Variants in ERC2 observed in about 807,000 individuals in gnomAD.
ERC2 encodes the protein ELKS/RAB6-interacting/CAST family member 2.
Under a neutral mutation model 114.8 loss-of-function variants are expected in ERC2, and 42 were observed. The ratio of observed to expected loss-of-function variants is 0.37; its 90% CI spans 0.29 to 0.47. ERC2 has a LOEUF of 0.47. ERC2 is among the 20% of genes least tolerant of loss of function. The probability of loss-of-function intolerance (pLI) is 0.99; values close to 1 mark genes in which losing one functional copy is unlikely to be tolerated. For missense variants in ERC2, 939 were observed against 1,150.7 expected (o/e 0.82, Z 2.66); for synonymous variants, 454 against 425.5 (o/e 1.07, Z -0.82).
At chr3:55,718,667 T>C (rs767624396) in intron 15 of ERC2, among the ~76,000 whole-genome samples, 4 of 152,184 alleles carry the variant, frequency 2.6e-5, no homozygotes, top group Non-Finnish European at 4.4e-5. Flanking sequence ...AGAAGGATGC[T>C]CTGCCTGCCC....
intron 12 of ERC2, among the ~76,000 whole-genome samples, chr3:55,952,756 T>C (rs2067668327): frequency 6.6e-6 from 1 of 152,132 alleles, no homozygotes; most frequent in Admixed American, 6.5e-5. Context: ...CAAACATCAT[T>C]TGCACAGTGA....
chr3:56,008,834 C>T (rs1004505525), intron 9 of ERC2, among the ~76,000 whole-genome samples: 1 of 152,184 alleles, frequency 6.6e-6, no homozygotes, highest in African/African-American at 2.4e-5. Flanking sequence ...CTATTGATTG[C>T]AACATCAGCT....
intron 3 of ERC2, among the ~76,000 whole-genome samples, chr3:56,175,741 G>C (rs1199789793): frequency 6.6e-6 from 1 of 152,026 alleles, no homozygotes; most frequent in Non-Finnish European, 1.5e-5. Context: ...CCCATTGTAT[G>C]GTATTTTCTA....
chr3:55,629,558 C>T (rs2059660755), intron 17 of ERC2, among the ~76,000 whole-genome samples: 1 of 152,166 alleles, frequency 6.6e-6, no homozygotes, highest in Admixed American at 6.5e-5. Context: ...ATCCTAAACA[C>T]CTACATTGCA....
intron 2 of ERC2, among the ~76,000 whole-genome samples, chr3:56,339,869 GC>G (rs1406072087): frequency 6.6e-6 from 1 of 152,090 alleles, no homozygotes; most frequent in Non-Finnish European, 1.5e-5. Context: ...CCACTACCAG[GC>G]CTTGGACCCA....
At chr3:56,105,887 A>T (rs2078630180) in intron 6 of ERC2, among the ~76,000 whole-genome samples, 1 of 152,176 alleles carries the variant, frequency 6.6e-6, no homozygotes, top group East Asian at 1.9e-4. Context: ...TCTCATGAAG[A>T]AATCAGGGTC....
At chr3:55,595,309 C>CT (rs1313852784) in intron 17 of ERC2, among the ~76,000 whole-genome samples, 1 of 152,172 alleles carries the variant, frequency 6.6e-6, no homozygotes, top group Non-Finnish European at 1.5e-5. Context: ...GACACTGAAA[C>CT]TAAATAGTGG....
intron 6 of ERC2, among the ~76,000 whole-genome samples, chr3:56,117,503 C>T (rs1181468111): frequency 2.6e-5 from 4 of 152,182 alleles, no homozygotes; most frequent in Non-Finnish European, 4.4e-5. Flanking sequence ...ATGAGTAGAG[C>T]GCTTGGCCCC....
At chr3:56,067,801 G>A (rs1346330642) in intron 7 of ERC2, among the ~76,000 whole-genome samples, 1 of 152,118 alleles carries the variant, frequency 6.6e-6, no homozygotes, top group Non-Finnish European at 1.5e-5. Flanking sequence ...AGATAATCAC[G>A]TGGTTTTTGT....
intron 15 of ERC2, among the ~76,000 whole-genome samples, chr3:55,709,888 C>T (rs1383752207): frequency 2.0e-5 from 3 of 152,118 alleles, no homozygotes; most frequent in African/African-American, 7.2e-5. Context: ...GGCAGCCAGG[C>T]CCTTGGAGGG....
intron 6 of ERC2, among the ~76,000 whole-genome samples, chr3:56,085,045 G>C (rs1274918468): frequency 2.6e-5 from 4 of 152,042 alleles, no homozygotes; most frequent in African/African-American, 9.7e-5. Flanking sequence ...TTCAGCCTCA[G>C]TTTCTCCATC....
intron 7 of ERC2, among the ~76,000 whole-genome samples, chr3:56,071,934 G>A (rs566353985): frequency 6.6e-6 from 1 of 152,162 alleles, no homozygotes; most frequent in Admixed American, 6.5e-5. Context: ...CGATCAATTG[G>A]TTAAAGTCAC....
At chr3:55,968,995 A>C (rs538843953) in intron 12 of ERC2, among the ~76,000 whole-genome samples, 10 of 152,264 alleles carry the variant, frequency 6.6e-5, no homozygotes, top group African/African-American at 2.4e-4. Flanking sequence ...GGGTGAGATA[A>C]ATCCTTGCTT....
intron 14 of ERC2, among the ~76,000 whole-genome samples, chr3:55,808,174 G>A (rs1040478266): frequency 4.6e-5 from 7 of 152,176 alleles, no homozygotes; most frequent in Non-Finnish European, 1.0e-4. Context: ...CAAATGAGAT[G>A]AAAGAGCAGA....
intron 17 of ERC2, among the ~76,000 whole-genome samples, chr3:55,564,723 G>C (rs1365184007): frequency 6.6e-6 from 1 of 152,208 alleles, no homozygotes; most frequent in East Asian, 1.9e-4. Context: ...TTTCTAAGAA[G>C]TGTCCACAGA....
At chr3:56,464,595 G>C (rs1203146385) in intron 1 of ERC2, among the ~76,000 whole-genome samples, 1 of 152,180 alleles carries the variant, frequency 6.6e-6, no homozygotes, top group Admixed American at 6.5e-5. Flanking sequence ...CATTCATTTT[G>C]TTCCTTTTCT....
At chr3:55,632,748 A>G (rs1000673603) in intron 17 of ERC2, among the ~76,000 whole-genome samples, 24 of 152,320 alleles carry the variant, frequency 1.6e-4, no homozygotes, top group African/African-American at 5.8e-4. Context: ...TTAGACCAAT[A>G]TCATCTCTCA....
At chr3:55,842,122 G>A (rs1335270871) in intron 14 of ERC2, among the ~76,000 whole-genome samples, 1 of 152,056 alleles carries the variant, frequency 6.6e-6, no homozygotes, top group Non-Finnish European at 1.5e-5. Flanking sequence ...AAATAAAACT[G>A]GAGGAATTTG....
intron 17 of ERC2, among the ~76,000 whole-genome samples, chr3:55,668,905 C>A (rs1340643162): frequency 6.6e-6 from 1 of 152,142 alleles, no homozygotes; most frequent in African/African-American, 2.4e-5. Flanking sequence ...GTGCACATAG[C>A]AGGTACTCAA....
Sources: allele counts gnomAD v4.1 joint callset (sites outside exome capture counted in the v4.1 genomes callset), GRCh38; gene constraint gnomAD v4.1.1; transcripts MANE v1.5; gene names NCBI Gene and HGNC (gene_info 2026-07-23, HGNC 2026-07-21).